TPRG1: variants seen among roughly 807,000 people sequenced by gnomAD.
The protein encoded by TPRG1 is tumor protein p63-regulated gene 1 protein.
In TPRG1, 29 loss-of-function variants were observed where a neutral mutation model predicts 29.3. That is an observed-to-expected ratio of 0.99 (90% CI 0.74 to 1.35). TPRG1 has a LOEUF of 1.35. Among genes scored for constraint, TPRG1 ranks in the 40% most tolerant of loss-of-function variants. TPRG1 has a pLI of 0.00. For missense variants in TPRG1, 327 were observed against 335.0 expected (o/e 0.98, Z 0.19); for synonymous variants, 130 against 116.8 (o/e 1.11, Z -0.73).
chr3:189,194,535 A>G (rs1732222523), intron 1 of TPRG1, among the ~76,000 whole-genome samples: 1 of 151,996 alleles, frequency 6.6e-6, no homozygotes, highest in Non-Finnish European at 1.5e-5. Flanking sequence ...TGGATCTGTG[A>G]CTCTGAGGCA....
chr3:189,149,338 T>C (rs12491274), intron 4 of TPRG1, among the ~76,000 whole-genome samples: 42,398 of 152,128 alleles, frequency 0.28, 7,061 homozygotes, highest in South Asian at 0.46. Context: ...GATGGAGTTA[T>C]GAGAAGTTGT....
At chr3:189,000,648 G>A (rs189671168) in intron 1 of TPRG1, 1 of 151,880 alleles carries the variant, frequency 6.6e-6, no homozygotes, top group East Asian at 1.9e-4. Context: ...TGTTTCATTT[G>A]GCCATCTCTG....
chr3:189,242,968 T>G (rs1740853541), intron 4 of TPRG1, among the ~76,000 whole-genome samples: 1 of 152,206 alleles, frequency 6.6e-6, no homozygotes, highest in Admixed American at 6.5e-5. Context: ...TTAATAATAT[T>G]TCCTTATAAT....
chr3:189,020,932 A>T (rs1167946798), intron 3 of TPRG1, among the ~76,000 whole-genome samples: 2 of 119,096 alleles, frequency 1.7e-5, no homozygotes, highest in African/African-American at 3.2e-5. Context: ...GGGTGCATAT[A>T]TATTTAGGAT....
At chr3:189,227,466 T>C (rs1441870866) in intron 3 of TPRG1, among the ~76,000 whole-genome samples, 1 of 152,238 alleles carries the variant, frequency 6.6e-6, no homozygotes, top group Non-Finnish European at 1.5e-5. Flanking sequence ...ACTGAATTTT[T>C]CTTCTCTCAA....
intron 4 of TPRG1, chr3:189,150,620 T>C (rs936032126): frequency 2.6e-5 from 4 of 152,204 alleles, no homozygotes; most frequent in African/African-American, 9.6e-5. Flanking sequence ...TCACAATACA[T>C]GATCAATAAC....
intron 1 of TPRG1, among the ~76,000 whole-genome samples, chr3:189,204,401 C>T (rs1041658733): frequency 1.3e-5 from 2 of 151,554 alleles, no homozygotes; most frequent in Non-Finnish European, 2.9e-5. Context: ...ATGTGCAGCA[C>T]GCTTCTCCTG....
At chr3:189,218,034 G>T in intron 3 of TPRG1, 1 of 985,300 alleles carries the variant, frequency 1.0e-6, no homozygotes. Flanking sequence ...CTGGCTTCTT[G>T]CTTCCCATTT....
At chr3:189,097,965 G>A (rs987367566), upstream of TPRG1, among the ~76,000 whole-genome samples, 1 of 152,116 alleles carries the variant, frequency 6.6e-6, no homozygotes, top group African/African-American at 2.4e-5. Flanking sequence ...AGGCCTGTTT[G>A]TACTAGATCT....
intron 1 of TPRG1, among the ~76,000 whole-genome samples, chr3:189,176,020 G>A (rs1043000270): frequency 1.5e-4 from 23 of 152,252 alleles, no homozygotes; most frequent in Admixed American, 6.5e-4. Flanking sequence ...TGAGAAAATC[G>A]TAAATATATG....
chr3:189,299,751 T>G (rs887764051), intron 4 of TPRG1, among the ~76,000 whole-genome samples: 1 of 152,094 alleles, frequency 6.6e-6, no homozygotes, highest in African/African-American at 2.4e-5. Flanking sequence ...CTATTCTTGA[T>G]CAGCTCACAG....
intron 3 of TPRG1, among the ~76,000 whole-genome samples, chr3:189,019,465 C>A (rs1268882613): frequency 6.6e-6 from 1 of 152,122 alleles, no homozygotes; most frequent in Non-Finnish European, 1.5e-5. Flanking sequence ...TTGTCAAAGG[C>A]CTTTTCTGCA....
intron 4 of TPRG1, among the ~76,000 whole-genome samples, chr3:189,298,678 C>A (rs1312044324): frequency 6.6e-6 from 1 of 152,118 alleles, no homozygotes; most frequent in African/African-American, 2.4e-5. Flanking sequence ...TTGAATGATT[C>A]ATGAGGGCCA....
chr3:189,141,076 T>G (rs1265444228), intron 3 of TPRG1, among the ~76,000 whole-genome samples: 1 of 152,144 alleles, frequency 6.6e-6, no homozygotes, highest in African/African-American at 2.4e-5. Context: ...CAAATAGCAG[T>G]TTTCAGCAAA....
intron 3 of TPRG1, among the ~76,000 whole-genome samples, chr3:189,136,321 A>G (rs1723741120): frequency 6.6e-6 from 1 of 152,096 alleles, no homozygotes; most frequent in Non-Finnish European, 1.5e-5. Context: ...ATCCTTATGG[A>G]AGGGGACTTC....
chr3:189,031,397 G>A (rs1197487399), intron 4 of TPRG1, among the ~76,000 whole-genome samples: 1 of 152,100 alleles, frequency 6.6e-6, no homozygotes, highest in Non-Finnish European at 1.5e-5. Context: ...CAATACACAT[G>A]GCATATGTAT....
chr3:189,153,886 G>A (rs1256899784), intron 5 of TPRG1, among the ~76,000 whole-genome samples: 3 of 152,204 alleles, frequency 2.0e-5, no homozygotes, highest in Non-Finnish European at 4.4e-5. Context: ...AGAGGACCAA[G>A]TCTCAGAAGC....
intron 5 of TPRG1, among the ~76,000 whole-genome samples, chr3:189,316,743 C>T (rs1723598020): frequency 6.6e-6 from 1 of 152,122 alleles, no homozygotes; most frequent in Admixed American, 6.6e-5. Flanking sequence ...AAAACCTGAC[C>T]CTCTGTATTT....
chr3:189,295,818 T>C (rs562137173), intron 4 of TPRG1, among the ~76,000 whole-genome samples: 1 of 151,634 alleles, frequency 6.6e-6, no homozygotes, highest in African/African-American at 2.4e-5. Flanking sequence ...ACAATGCAAA[T>C]AGAATTAATT....
Sources: allele counts gnomAD v4.1 joint callset (sites outside exome capture counted in the v4.1 genomes callset), GRCh38; gene constraint gnomAD v4.1.1; transcripts MANE v1.5; gene names NCBI Gene and HGNC (gene_info 2026-07-23, HGNC 2026-07-21).